The following UST variants were observed in gnomAD, a reference collection of about 807,000 sequenced individuals.
UST encodes chondroitin sulfate 2-O-sulfotransferase.
Under a neutral mutation model 45.6 loss-of-function variants are expected in UST, and 21 were observed. The observed-to-expected ratio is 0.46, with a 90% CI of 0.33 to 0.66. UST has a LOEUF of 0.66. Among genes scored for constraint, UST ranks in the 30% least tolerant of loss-of-function variants. The pLI is 0.02. For synonymous variants in UST, 215 were observed against 200.6 expected (o/e 1.07, Z -0.61); for missense variants, 463 against 512.4 (o/e 0.90, Z 0.93).
At chr6:148,867,414 T>C (rs1271603238) in intron 1 of UST, among the ~76,000 whole-genome samples, 2 of 152,158 alleles carry the variant, frequency 1.3e-5, no homozygotes, top group African/African-American at 2.4e-5. Flanking sequence ...TAAAGAGTCA[T>C]ACCCATGTTA....
intron 7 of UST, among the ~76,000 whole-genome samples, chr6:149,038,180 T>C (rs1776263551): frequency 6.6e-6 from 1 of 152,006 alleles, no homozygotes; most frequent in African/African-American, 2.4e-5. Context: ...TGTTCACATC[T>C]CTGTTAGGTA....
chr6:148,819,398 C>A (rs1256609217), intron 1 of UST, among the ~76,000 whole-genome samples: 1 of 152,184 alleles, frequency 6.6e-6, no homozygotes, highest in East Asian at 1.9e-4. Flanking sequence ...GAAAACTAAG[C>A]CCTGTTACCT....
chr6:149,043,024 TC>T (rs71544401), intron 7 of UST, among the ~76,000 whole-genome samples: 58 of 131,098 alleles, frequency 4.4e-4, no homozygotes, highest in African/African-American at 2.1e-3. Context: ...TCTTTCTTTT[TC>T]TTTCTTTCTT....
rs570509082 is a variant in UST at position 148,875,305 on chromosome 6, A to G, written c.248-11681A>G. Reference sequence around the variant, plus strand: ...AAATTATAGCCCCTGAGGTTCTGGAAGTTCATTTGCATATTGTTAAGTGTA... The same window carrying G: ...AAATTATAGCCCCTGAGGTTCTGGAGGTTCATTTGCATATTGTTAAGTGTA... On this transcript the variant is annotated intron_variant, in intron 1 of 7. Coordinates refer to ENST00000367463, the MANE Select transcript of UST (RefSeq NM_005715.3). 1.2e-3 allele frequency among the ~76,000 whole-genome samples: 176 copies of G among 152,322 alleles called. 1 individual carries two copies. Among genetic ancestry groups the G allele is most frequent in the African/African-American group, 4.1e-3 (172 of 41,572 alleles).
intron 1 of UST, among the ~76,000 whole-genome samples, chr6:148,857,494 C>T (rs1582855800): frequency 6.6e-6 from 1 of 152,088 alleles, no homozygotes; most frequent in East Asian, 1.9e-4. Context: ...TTACCAAGGG[C>T]AGAACTTAGA....
At chr6:149,040,206 C>T (rs1384523130) in intron 7 of UST, among the ~76,000 whole-genome samples, 1 of 152,160 alleles carries the variant, frequency 6.6e-6, no homozygotes, top group Non-Finnish European at 1.5e-5. Flanking sequence ...AGTACTGAAA[C>T]TAGTTTGATT....
chr6:148,887,776 G>A (rs1778939578), intron 2 of UST, among the ~76,000 whole-genome samples: 1 of 152,108 alleles, frequency 6.6e-6, no homozygotes, highest in Non-Finnish European at 1.5e-5. Flanking sequence ...ACTTGGGAAG[G>A]GGTTGTGCTT....
intron 7 of UST, among the ~76,000 whole-genome samples, chr6:149,030,919 C>G (rs554770864): frequency 6.6e-6 from 1 of 152,170 alleles, no homozygotes; most frequent in East Asian, 1.9e-4. Flanking sequence ...GTCTAAAAAT[C>G]TAAGCTGGGC....
chr6:148,829,229 C>G (rs1777636476), intron 1 of UST, among the ~76,000 whole-genome samples: 1 of 152,074 alleles, frequency 6.6e-6, no homozygotes, highest in African/African-American at 2.4e-5. Context: ...TTTCACATTG[C>G]TAGAGGAAAG....
intron 1 of UST, among the ~76,000 whole-genome samples, chr6:148,863,733 C>T (rs1308752731): frequency 6.6e-6 from 1 of 152,204 alleles, no homozygotes; most frequent in African/African-American, 2.4e-5. Context: ...AGTCAGGACC[C>T]TCAGCTGCAG....
chr6:148,766,062 A>T (rs751142606), intron 1 of UST, among the ~76,000 whole-genome samples: 6 of 152,200 alleles, frequency 3.9e-5, no homozygotes, highest in Non-Finnish European at 7.4e-5. Context: ...TCATGAAAAG[A>T]TGTTAGATTT....
intron 1 of UST, among the ~76,000 whole-genome samples, chr6:148,778,851 C>T (rs1235559662): frequency 6.6e-6 from 1 of 152,198 alleles, no homozygotes; most frequent in Non-Finnish European, 1.5e-5. Flanking sequence ...CTGGTCATCT[C>T]TGATGACGAC....
chr6:148,766,680 T>G (rs983771507), intron 1 of UST, among the ~76,000 whole-genome samples: 3 of 152,180 alleles, frequency 2.0e-5, no homozygotes, highest in African/African-American at 7.2e-5. Flanking sequence ...GCCCTGTTGA[T>G]GCTAGTAGAT....
Position 148,885,926 on chromosome 6 carries a change from A to ACATTT in UST, c.248-1055_248-1051dup, listed in dbSNP as rs139416586. On this transcript the variant is annotated intron_variant, in intron 1 of 7. Coordinates refer to ENST00000367463, the MANE Select transcript of UST (RefSeq NM_005715.3). ...TTGCAGTTCCGTTCCATGATTTTCTACATTTCATTCCATTAGCTTGTTTGG... is the reference window on the plus strand; with the variant it reads ...TTGCAGTTCCGTTCCATGATTTTCTACATTTCATTTCATTCCATTAGCTTGTTTGG... Among the ~76,000 whole-genome samples, 36 of 152,336 alleles carry ACATTT rather than the reference A, an allele frequency of 2.4e-4. No individual in the cohort carries two copies. In the East Asian group the frequency reaches 6.6e-3, roughly 28 times the overall value.
At position 148,874,062 on chromosome 6, in the gene UST, G is replaced by A. The variant is rs571629642; in HGVS notation, c.248-12924G>A. 5.9e-5 allele frequency among the ~76,000 whole-genome samples: 9 copies of A among 152,368 alleles called. 1 individual carries two copies. In the South Asian group the frequency reaches 6.2e-4, roughly 11 times the overall value. ...CCATGTGCAGGGCTGGGGCTGCTGC[G>A]TTAGCAGGTGTGTTAGCATTCCACA... On this transcript the variant is annotated intron_variant, in intron 1 of 7. Transcript: ENST00000367463.
chr6:148,864,564 C>T (rs1225086551), intron 1 of UST, among the ~76,000 whole-genome samples: 1 of 152,230 alleles, frequency 6.6e-6, no homozygotes, highest in African/African-American at 2.4e-5. Context: ...GCAGAAATCA[C>T]CCGTCTCTGT....
At chr6:148,984,335 A>G (rs1781198047) in intron 5 of UST, among the ~76,000 whole-genome samples, 1 of 152,202 alleles carries the variant, frequency 6.6e-6, no homozygotes, top group South Asian at 2.1e-4. Flanking sequence ...CAATACGTGC[A>G]TAGGTCAAGG....
At chr6:148,859,143 C>T (rs1198816573) in intron 1 of UST, among the ~76,000 whole-genome samples, 1 of 152,190 alleles carries the variant, frequency 6.6e-6, no homozygotes, top group Non-Finnish European at 1.5e-5. Flanking sequence ...TATTTCTCCA[C>T]ATCCTCTTCA....
At chr6:149,046,017 T>A (rs565986710) in intron 7 of UST, among the ~76,000 whole-genome samples, 2 of 152,328 alleles carry the variant, frequency 1.3e-5, no homozygotes, top group East Asian at 3.9e-4. Context: ...CATGTGACTG[T>A]CAACAACTAT....
Sources: gnomAD v4.1 joint callset for allele counts (sites outside exome capture counted in the v4.1 genomes callset) on GRCh38, gnomAD v4.1.1 for gene constraint, MANE v1.5 for transcripts, NCBI Gene and HGNC (gene_info 2026-07-23, HGNC 2026-07-21) for gene names.